MAP2K6: variants seen among roughly 807,000 people sequenced by gnomAD.
MAP2K6 encodes the protein mitogen-activated protein kinase kinase 6, also known as dual specificity mitogen-activated protein kinase kinase 6.
In MAP2K6, 16 loss-of-function variants were observed where a neutral mutation model predicts 53.7. That is an observed-to-expected ratio of 0.30 (90% confidence interval 0.20 to 0.45). MAP2K6 has a LOEUF of 0.45. Among genes scored for constraint, MAP2K6 ranks in the 20% least tolerant of loss-of-function variants. The probability of loss-of-function intolerance (pLI) is 1.00; values close to 1 mark genes in which losing one functional copy is unlikely to be tolerated. For synonymous variants in MAP2K6, 132 were observed against 143.1 expected (o/e 0.92, Z 0.55); for missense variants, 204 against 411.9 (o/e 0.50, Z 4.37).
At chr17:69,497,532 T>TA (rs1387375291) in intron 1 of MAP2K6, among the ~76,000 whole-genome samples, 1 of 151,842 alleles carries the variant, frequency 6.6e-6, no homozygotes, top group Non-Finnish European at 1.5e-5. Context: ...ATCTTTTTTT[T>TA]TTTCTGAAGC....
At chr17:69,538,819 G>A in intron 11 of MAP2K6, among the ~76,000 whole-genome samples, 1 of 152,118 alleles carries the variant, frequency 6.6e-6, no homozygotes, top group East Asian at 1.9e-4. Flanking sequence ...AGCAGCCAAC[G>A]ATTTCTGTAA....
At chr17:69,520,653 A>G (rs1910417689) in intron 6 of MAP2K6, 1 of 415,062 alleles carries the variant, frequency 2.4e-6, no homozygotes, top group East Asian at 4.0e-5. Flanking sequence ...TGGTGTCTAT[A>G]TTCTGACATT....
intron 1 of MAP2K6, among the ~76,000 whole-genome samples, chr17:69,468,961 C>T (rs1263314051): frequency 6.6e-6 from 1 of 152,166 alleles, no homozygotes; most frequent in African/African-American, 2.4e-5. Context: ...GATTAATGCA[C>T]AGAGCAATTG....
chr17:69,460,905 G>T (rs1457035119), intron 1 of MAP2K6, among the ~76,000 whole-genome samples: 1 of 152,144 alleles, frequency 6.6e-6, no homozygotes, highest in Non-Finnish European at 1.5e-5. Context: ...TGGTTGGGGT[G>T]CAGTATTAAG....
intron 1 of MAP2K6, among the ~76,000 whole-genome samples, chr17:69,498,576 T>G (rs1598291478): frequency 6.6e-6 from 1 of 151,716 alleles, no homozygotes. Context: ...ATGTGAGATT[T>G]TAAGACTTTT....
At chr17:69,433,296 A>G (rs1330814262) in intron 1 of MAP2K6, 2 of 152,260 alleles carry the variant, frequency 1.3e-5, no homozygotes, top group East Asian at 3.8e-4. Flanking sequence ...CCAAGTGTGG[A>G]ACACAGATCT....
chr17:69,516,177 T>G (rs1377509928), intron 2 of MAP2K6, among the ~76,000 whole-genome samples: 3 of 151,990 alleles, frequency 2.0e-5, no homozygotes, highest in Non-Finnish European at 4.4e-5. Context: ...CTCACCATAA[T>G]GTAGAATCAA....
chr17:69,416,113 A>G (rs144389988), intron 1 of MAP2K6, among the ~76,000 whole-genome samples: 2,086 of 152,280 alleles, frequency 0.014, 39 homozygotes, highest in Non-Finnish European at 0.02. Context: ...GTTAGATACT[A>G]TTGAATTAGG....
chr17:69,498,693 CAG>C (rs143094012), intron 1 of MAP2K6, among the ~76,000 whole-genome samples: 11 of 149,568 alleles, frequency 7.4e-5, no homozygotes, highest in Admixed American at 1.3e-4. Context: ...CACGTGCACG[CAG>C]AGAGAGAGAG....
At chr17:69,460,522 GA>G (rs1907590079) in intron 1 of MAP2K6, among the ~76,000 whole-genome samples, 1 of 152,202 alleles carries the variant, frequency 6.6e-6, no homozygotes, top group African/African-American at 2.4e-5. Flanking sequence ...CAGTGGATAG[GA>G]GAAGTTTACT....
At chr17:69,445,556 G>A (rs952470147) in intron 1 of MAP2K6, among the ~76,000 whole-genome samples, 1 of 152,176 alleles carries the variant, frequency 6.6e-6, no homozygotes, top group African/African-American at 2.4e-5. Context: ...TTGTAGATGG[G>A]AAAACTTCTG....
chr17:69,429,255 A>G (rs1373278223), intron 1 of MAP2K6, among the ~76,000 whole-genome samples: 1 of 150,410 alleles, frequency 6.6e-6, no homozygotes, highest in East Asian at 2.0e-4. Flanking sequence ...CCTGGGCAAC[A>G]TAGTGAGACT....
chr17:69,426,301 C>G (rs1257606260), intron 1 of MAP2K6, among the ~76,000 whole-genome samples: 1 of 152,230 alleles, frequency 6.6e-6, no homozygotes, highest in Non-Finnish European at 1.5e-5. Flanking sequence ...TACTTAACCT[C>G]TAGCTTCGGT....
chr17:69,536,253 G>A (rs1463435217), intron 11 of MAP2K6, 93 bp downstream of exon 11: 1 of 894,358 alleles, frequency 1.1e-6, no homozygotes, highest in African/African-American at 1.7e-5. Flanking sequence ...CACCATATTG[G>A]AAGAGTTGGT....
chr17:69,538,691 G>A (rs1274080004), intron 11 of MAP2K6, among the ~76,000 whole-genome samples: 2 of 152,152 alleles, frequency 1.3e-5, no homozygotes, highest in Non-Finnish European at 2.9e-5. Flanking sequence ...AATCCCAAAT[G>A]TTTCTCTCCC....
chr17:69,533,883 G>C (rs934598497), intron 10 of MAP2K6, among the ~76,000 whole-genome samples: 2 of 152,178 alleles, frequency 1.3e-5, no homozygotes, highest in East Asian at 1.9e-4. Context: ...GGCAGGAGAC[G>C]GTCGTGGTGA....
rs76874409 is a variant in MAP2K6 at position 69,490,079 on chromosome 17, G to A, written c.17-15701G>A. Among the ~76,000 whole-genome samples the A allele has an allele frequency of 3.7e-3, 570 of 152,272 alleles. 3 individuals are homozygous for A. Among genetic ancestry groups the A allele is most frequent in the African/African-American group, 0.013 (532 of 41,546 alleles). On this transcript the variant is annotated intron_variant, in intron 1 of 11. Coordinates refer to ENST00000590474, the MANE Select transcript of MAP2K6 (RefSeq NM_002758.4). ...CCATATATTTTCTATTATTTTGGCC[G>A]CGGTTTCTTTACCCTCTTGTTTCTT...
chr17:69,468,747 C>G (rs755527893), intron 1 of MAP2K6, among the ~76,000 whole-genome samples: 4 of 152,290 alleles, frequency 2.6e-5, no homozygotes, highest in African/African-American at 4.8e-5. Flanking sequence ...GCCCCTTCAT[C>G]ATCCCTCTTT....
chr17:69,445,900 A>T (rs1041976562), intron 1 of MAP2K6, among the ~76,000 whole-genome samples: 4 of 152,116 alleles, frequency 2.6e-5, no homozygotes, highest in African/African-American at 9.7e-5. Flanking sequence ...TCTTTTTCTT[A>T]TTTTGAGATA....
Sources: gnomAD v4.1 joint callset for allele counts (sites outside exome capture counted in the v4.1 genomes callset) on GRCh38, gnomAD v4.1.1 for gene constraint, MANE v1.5 for transcripts, NCBI Gene and HGNC (gene_info 2026-07-23, HGNC 2026-07-21) for gene names.